SORCS1: variants seen among roughly 807,000 people sequenced by gnomAD.
SORCS1 encodes VPS10 domain-containing receptor SorCS1.
Under a neutral mutation model 146.1 loss-of-function variants are expected in SORCS1, and 60 were observed. The ratio of observed to expected loss-of-function variants is 0.41; its 90% CI spans 0.33 to 0.51. The LOEUF (loss-of-function observed/expected upper bound fraction) is 0.51. Among genes scored for constraint, SORCS1 ranks in the 20% least tolerant of loss-of-function variants. The pLI is 0.21. For missense variants in SORCS1, 1,352 were observed against 1,487.6 expected (o/e 0.91, Z 1.50); for synonymous variants, 637 against 584.0 (o/e 1.09, Z -1.31).
chr10:106,714,786 G>A (rs1157182678), intron 6 of SORCS1, among the ~76,000 whole-genome samples: 1 of 152,126 alleles, frequency 6.6e-6, no homozygotes, highest in Non-Finnish European at 1.5e-5. Flanking sequence ...AGGGGAGCGG[G>A]GAGTCAAGAT....
intron 1 of SORCS1, among the ~76,000 whole-genome samples, chr10:107,021,781 G>A (rs1480117173): frequency 6.6e-6 from 1 of 152,070 alleles, no homozygotes; most frequent in Non-Finnish European, 1.5e-5. Context: ...TCACTAGCCT[G>A]ATCAATTATT....
chr10:106,830,927 G>A (rs1206204257), intron 2 of SORCS1, among the ~76,000 whole-genome samples: 2 of 151,560 alleles, frequency 1.3e-5, no homozygotes, highest in African/African-American at 2.4e-5. Flanking sequence ...AGGCACACTG[G>A]CTCACACCTG....
chr10:106,982,141 T>C (rs1956268598), intron 1 of SORCS1, among the ~76,000 whole-genome samples: 1 of 152,198 alleles, frequency 6.6e-6, no homozygotes, highest in South Asian at 2.1e-4. Context: ...TCGATTAGAT[T>C]GTGTAGAAAA....
rs188659687 is a variant in SORCS1 at position 106,653,632 on chromosome 10, C to T, written c.2304-1079G>A. ...TATTTACAAAACTGGCATAGTTTTC[C>T]AATGCGTTTAAGTCTAGTGAATGTC... On this transcript the variant is annotated intron_variant, in intron 17 of 25. Coordinates refer to ENST00000263054, the MANE Select transcript of SORCS1 (RefSeq NM_052918.5). 2.0e-5 allele frequency among the ~76,000 whole-genome samples: 3 copies of T among 152,254 alleles called. No homozygotes were observed. In the East Asian group the frequency reaches 5.8e-4, roughly 29 times the overall value.
chr10:107,053,393 T>A (rs1270804367), intron 1 of SORCS1, among the ~76,000 whole-genome samples: 2 of 152,114 alleles, frequency 1.3e-5, no homozygotes, highest in Non-Finnish European at 2.9e-5. Context: ...AACAAAACAA[T>A]CCACGGGTCA....
Position 106,608,414 on chromosome 10 carries a change from T to G in SORCS1, c.3034-1117A>C, listed in dbSNP as rs140988756. Reference sequence around the variant, plus strand: ...CTTATTTATTTCATTATTTCCCAATTAGGTGATTATTTGTTTTTGAACTCC... The same window carrying G: ...CTTATTTATTTCATTATTTCCCAATGAGGTGATTATTTGTTTTTGAACTCC... On this transcript the variant is annotated intron_variant, in intron 22 of 25. Coordinates refer to ENST00000263054, the MANE Select transcript of SORCS1 (RefSeq NM_052918.5). 3.4e-3 allele frequency among the ~76,000 whole-genome samples: 524 copies of G among 152,312 alleles called. 5 individuals carry two copies. The highest frequency in any genetic ancestry group is 0.012 in the African/African-American group (501 of 41,572).
rs186909338 is a variant in SORCS1, at chr10:107,137,967, A to G, written c.558+26002T>C. Among the ~76,000 whole-genome samples the G allele has an allele frequency of 1.1e-3, 175 of 152,284 alleles. 1 individual carries two copies. The highest frequency in any genetic ancestry group is 4.0e-3 in the African/African-American group (168 of 41,570). On this transcript the variant is annotated intron_variant, in intron 1 of 25. Transcript: ENST00000263054. ...AAGCCATGTGTATTCTGTTCATTAC[A>G]GGATCTCTGACACCTATTACGTTCC... is the stretch of plus-strand genomic sequence containing the variant.
chr10:106,762,815 A>G (rs1859240760), intron 4 of SORCS1, among the ~76,000 whole-genome samples: 1 of 152,046 alleles, frequency 6.6e-6, no homozygotes. Context: ...CATAGAGATA[A>G]CAGAAGATGG....
At chr10:106,911,673 CT>C (rs1017256471) in intron 2 of SORCS1, among the ~76,000 whole-genome samples, 14 of 152,198 alleles carry the variant, frequency 9.2e-5, no homozygotes, top group African/African-American at 3.4e-4. Flanking sequence ...TTGCAGAGTA[CT>C]TACACCAGTG....
Position 106,660,321 on chromosome 10 carries a change from TAC to T in SORCS1, c.2303+7366_2303+7367del, listed in dbSNP as rs1850630228. Among the ~76,000 whole-genome samples the T allele has an allele frequency of 2.6e-5, 4 of 152,344 alleles. No individual in the cohort carries two copies. In the South Asian group the frequency reaches 8.3e-4, roughly 32 times the overall value. ...TATAAGGTACAGTGTGATGTTTTGA[TAC>T]ATATATACATTGTGTAATGATTAAA... is the stretch of plus-strand genomic sequence containing the variant. On this transcript the variant is annotated intron_variant, in intron 17 of 25. Coordinates refer to ENST00000263054, the MANE Select transcript of SORCS1 (RefSeq NM_052918.5).
At chr10:106,989,532 C>T (rs983791685) in intron 1 of SORCS1, among the ~76,000 whole-genome samples, 9 of 151,972 alleles carry the variant, frequency 5.9e-5, no homozygotes, top group Admixed American at 2.0e-4. Context: ...AGTCTTTCTA[C>T]TTTCTAATCC....
At chr10:107,051,864 C>A (rs928013045) in intron 1 of SORCS1, among the ~76,000 whole-genome samples, 1 of 152,140 alleles carries the variant, frequency 6.6e-6, no homozygotes, top group Non-Finnish European at 1.5e-5. Flanking sequence ...TCCTACCTTG[C>A]CAATATCCTC....
At chr10:107,011,361 T>A (rs1206556083) in intron 1 of SORCS1, among the ~76,000 whole-genome samples, 1 of 152,202 alleles carries the variant, frequency 6.6e-6, no homozygotes, top group Non-Finnish European at 1.5e-5. Flanking sequence ...ATTAAACTCA[T>A]CAAGAGCAGA....
intron 18 of SORCS1, among the ~76,000 whole-genome samples, chr10:106,636,469 A>T (rs926150600): frequency 1.3e-5 from 2 of 152,164 alleles, no homozygotes; most frequent in Non-Finnish European, 2.9e-5. Flanking sequence ...TTATAAAGAA[A>T]AGAGATTTAA....
chr10:106,977,136 C>G (rs895225301), intron 1 of SORCS1, among the ~76,000 whole-genome samples: 1 of 152,156 alleles, frequency 6.6e-6, no homozygotes, highest in African/African-American at 2.4e-5. Flanking sequence ...AATGGGTGAG[C>G]GAATTTACAC....
At chr10:107,149,746 T>C (rs1186048379) in intron 1 of SORCS1, among the ~76,000 whole-genome samples, 1 of 152,242 alleles carries the variant, frequency 6.6e-6, no homozygotes, top group African/African-American at 2.4e-5. Flanking sequence ...TGGAATCTAA[T>C]CTGATATTTT....
chr10:107,010,032 T>C (rs980141573), intron 1 of SORCS1, among the ~76,000 whole-genome samples: 10 of 152,236 alleles, frequency 6.6e-5, no homozygotes, highest in African/African-American at 2.2e-4. Context: ...GAACTATGTA[T>C]GGAAGCCAGT....
At chr10:106,807,155 C>CA (rs1338634523) in intron 3 of SORCS1, among the ~76,000 whole-genome samples, 1 of 123,144 alleles carries the variant, frequency 8.1e-6, no homozygotes. Context: ...AGGTTTTCTG[C>CA]TAACATAACA....
chr10:106,589,039 G>A (rs912036096), intron 24 of SORCS1, among the ~76,000 whole-genome samples: 2 of 152,096 alleles, frequency 1.3e-5, no homozygotes, highest in African/African-American at 4.8e-5. Flanking sequence ...CTCCCACCCT[G>A]AGTTGGAAAG....
Sources: allele counts gnomAD v4.1 joint callset (sites outside exome capture counted in the v4.1 genomes callset), GRCh38; gene constraint gnomAD v4.1.1; transcripts MANE v1.5; gene names NCBI Gene and HGNC (gene_info 2026-07-23, HGNC 2026-07-21).